Variants in GULP1 observed in about 807,000 individuals in gnomAD.
GULP1 encodes the protein GULP PTB domain containing engulfment adaptor 1.
In GULP1, 19 loss-of-function variants were observed where a neutral mutation model predicts 40.9. The ratio of observed to expected loss-of-function variants is 0.46; its 90% CI spans 0.32 to 0.68. The LOEUF (loss-of-function observed/expected upper bound fraction) is 0.68, where lower values mean the gene tolerates loss of function less well. Ranked by LOEUF, GULP1 falls within the 30% of genes least tolerant of loss-of-function variation. GULP1 has a pLI of 0.03. For synonymous variants in GULP1, 119 were observed against 117.6 expected, an observed-to-expected ratio of 1.01 and a Z score of -0.08; for missense variants, 312 against 362.2, an observed-to-expected ratio of 0.86 and a Z score of 1.12.
chr2:188,469,283 A>G (rs2060389294), intron 2 of GULP1, among the ~76,000 whole-genome samples: 1 of 152,168 alleles, frequency 6.6e-6, no homozygotes, highest in South Asian at 2.1e-4. Flanking sequence ...CCTGCATCTC[A>G]TCTAAGTTAT....
intron 2 of GULP1, among the ~76,000 whole-genome samples, chr2:188,472,543 G>C (rs1361609878): frequency 1.3e-5 from 2 of 151,850 alleles, no homozygotes; most frequent in Non-Finnish European, 1.5e-5. Flanking sequence ...TGTTTCTTCT[G>C]TTTGGTCAAT....
chr2:188,465,544 C>CT (rs1406056470), intron 2 of GULP1, among the ~76,000 whole-genome samples: 1 of 152,128 alleles, frequency 6.6e-6, no homozygotes. Flanking sequence ...GACCCCCTCT[C>CT]TCCCTCAGCC....
chr2:188,401,443 A>G (rs1202912731), intron 2 of GULP1, among the ~76,000 whole-genome samples: 1 of 152,092 alleles, frequency 6.6e-6, no homozygotes, highest in Non-Finnish European at 1.5e-5. Context: ...AGTGTGTTCA[A>G]TGAGCATATA....
At chr2:188,442,753 T>G (rs981580921) in intron 2 of GULP1, among the ~76,000 whole-genome samples, 7 of 152,208 alleles carry the variant, frequency 4.6e-5, no homozygotes, top group South Asian at 2.1e-4. Context: ...GCTGTTAATA[T>G]CTTATGATAT....
At chr2:188,420,383 TCTC>T (rs1396096484) in intron 2 of GULP1, among the ~76,000 whole-genome samples, 2 of 152,184 alleles carry the variant, frequency 1.3e-5, no homozygotes, top group Non-Finnish European at 2.9e-5. Context: ...TATACAAATC[TCTC>T]CTTAGTTAAG....
intron 2 of GULP1, among the ~76,000 whole-genome samples, chr2:188,387,574 A>T (rs2049948757): frequency 1.3e-5 from 2 of 152,180 alleles, no homozygotes; most frequent in Non-Finnish European, 2.9e-5. Flanking sequence ...TCAGCTTGGG[A>T]ATTGAGGAAC....
chr2:188,468,292 T>C (rs2060294901), intron 2 of GULP1, among the ~76,000 whole-genome samples: 1 of 152,174 alleles, frequency 6.6e-6, no homozygotes, highest in Non-Finnish European at 1.5e-5. Flanking sequence ...AAAGGAAAAG[T>C]ATAGTTTTGT....
chr2:188,368,910 A>AATAT (rs374984039), intron 1 of GULP1, among the ~76,000 whole-genome samples: 1 of 112,054 alleles, frequency 8.9e-6, no homozygotes, highest in African/African-American at 3.4e-5. Flanking sequence ...TAATAGATAG[A>AATAT]ATATATATAT....
intron 2 of GULP1, among the ~76,000 whole-genome samples, chr2:188,403,285 G>A (rs1270353326): frequency 6.6e-6 from 1 of 151,868 alleles, no homozygotes; most frequent in Non-Finnish European, 1.5e-5. Context: ...TCATTACGAA[G>A]AGATTCCAAG....
Position 188,537,495 on chromosome 2 carries a change from C to T in GULP1, c.262-3686C>T, listed in dbSNP as rs536569231. Among the ~76,000 whole-genome samples the T allele has an allele frequency of 4.6e-5, 7 of 151,984 alleles. No homozygotes were observed. The South Asian group carries it at 8.3e-4, about 18-fold the overall frequency. ...TTATGTTGAATTGTATTTATTGATT[C>T]GCATACGTTGAACAAACCTTGCATC... On this transcript the variant is annotated intron_variant, in intron 6 of 11. Coordinates refer to ENST00000409830, the MANE Select transcript of GULP1 (RefSeq NM_016315.4).
At chr2:188,565,647 A>G (rs1316355642) in intron 7 of GULP1, among the ~76,000 whole-genome samples, 3 of 152,020 alleles carry the variant, frequency 2.0e-5, no homozygotes, top group Non-Finnish European at 2.9e-5. Flanking sequence ...ATAATGTTAA[A>G]CCTCCCATGA....
chr2:188,345,413 GTC>G (rs2043509024), intron 1 of GULP1, among the ~76,000 whole-genome samples: 1 of 152,198 alleles, frequency 6.6e-6, no homozygotes, highest in South Asian at 2.1e-4. Context: ...AGAGGCAGCT[GTC>G]TCAGAGGACA....
At chr2:188,543,437 A>G (rs1691057774) in intron 7 of GULP1, among the ~76,000 whole-genome samples, 2 of 152,124 alleles carry the variant, frequency 1.3e-5, no homozygotes, top group African/African-American at 4.8e-5. Flanking sequence ...TCCTGTGCTG[A>G]AAAAGGACGT....
chr2:188,428,140 C>G (rs967411995), intron 2 of GULP1, among the ~76,000 whole-genome samples: 8 of 152,166 alleles, frequency 5.3e-5, no homozygotes, highest in African/African-American at 1.4e-4. Flanking sequence ...TTCTTTTGAT[C>G]AATTTCTCCC....
chr2:188,425,066 T>C (rs1004825743), intron 2 of GULP1, among the ~76,000 whole-genome samples: 3 of 152,022 alleles, frequency 2.0e-5, no homozygotes, highest in Admixed American at 1.3e-4. Context: ...TTTTCAGGGA[T>C]TGAAAATGGT....
chr2:188,460,233 G>T (rs532450700), intron 2 of GULP1, among the ~76,000 whole-genome samples: 2 of 151,940 alleles, frequency 1.3e-5, no homozygotes, highest in Non-Finnish European at 2.9e-5. Context: ...ATTGCTTTAG[G>T]GTAGTATGTA....
At chr2:188,593,198 T>G (rs1423747753) in intron 11 of GULP1, 1 of 151,868 alleles carries the variant, frequency 6.6e-6, no homozygotes, top group African/African-American at 2.4e-5. Flanking sequence ...GGCCCACAGT[T>G]CAATTATCTT....
At chr2:188,368,939 G>GTA (rs56274020) in intron 1 of GULP1, among the ~76,000 whole-genome samples, 1,193 of 85,988 alleles carry the variant, frequency 0.014, 10 homozygotes, top group Non-Finnish European at 0.02. Context: ...ATATATGTGT[G>GTA]TATATATATA....
chr2:188,315,968 C>T (rs1423700611), intron 1 of GULP1, among the ~76,000 whole-genome samples: 1 of 151,794 alleles, frequency 6.6e-6, no homozygotes, highest in African/African-American at 2.4e-5. Flanking sequence ...ATGTAAGAAA[C>T]ACCAAGAAGA....
Sources: gnomAD v4.1 joint callset for allele counts (sites outside exome capture counted in the v4.1 genomes callset) on GRCh38, gnomAD v4.1.1 for gene constraint, MANE v1.5 for transcripts, NCBI Gene and HGNC (gene_info 2026-07-23, HGNC 2026-07-21) for gene names.